SLIT2: variants seen among roughly 807,000 people sequenced by gnomAD.
SLIT2 encodes the protein slit guidance ligand 2.
Under a neutral mutation model 185.7 loss-of-function variants are expected in SLIT2, and 41 were observed. The observed-to-expected ratio is 0.22, with a 90% CI of 0.17 to 0.29. SLIT2 has a LOEUF of 0.29. Ranked by LOEUF, SLIT2 falls within the 10% of genes least tolerant of loss-of-function variation. The pLI is 1.00. For missense variants in SLIT2, 1,571 were observed against 1,909.0 expected (o/e 0.82, Z 3.30); for synonymous variants, 693 against 680.2 (o/e 1.02, Z -0.29).
At chr4:20,513,386 T>A (rs1477221630) in intron 11 of SLIT2, among the ~76,000 whole-genome samples, 1 of 152,256 alleles carries the variant, frequency 6.6e-6, no homozygotes, top group African/African-American at 2.4e-5. Flanking sequence ...CACGTATCAT[T>A]TTCCTGGTCA....
intron 34 of SLIT2, among the ~76,000 whole-genome samples, chr4:20,610,953 A>T (rs779363306): frequency 2.0e-5 from 3 of 152,198 alleles, no homozygotes; most frequent in Non-Finnish European, 4.4e-5. Flanking sequence ...CCCGCAAAGG[A>T]GAGAGGTCCC....
intron 4 of SLIT2, among the ~76,000 whole-genome samples, chr4:20,382,678 T>C (rs1724620408): frequency 6.6e-6 from 1 of 152,048 alleles, no homozygotes; most frequent in South Asian, 2.1e-4. Context: ...TAGAAAAATA[T>C]AGCATACTAT....
chr4:20,618,674 C>T lies in SLIT2; in HGVS notation c.4349-94C>T, dbSNP rs560326578. On this transcript the variant is annotated intron_variant, in intron 36 of 36. Coordinates refer to ENST00000504154, the MANE Select transcript of SLIT2 (RefSeq NM_004787.4). ...TGTAAAGCAAGTTACAAAGGGGAAG[C>T]AAAGGCTTCTGAATTAAGTTGTGGA... The T allele has an allele frequency of 7.6e-6, 10 of 1,324,124 alleles. No homozygotes were observed. In the African/African-American group the frequency reaches 1.3e-4, roughly 17 times the overall value. 82.0% of individuals were successfully genotyped at this position (1,324,124 alleles called of 1,614,324 possible).
intron 4 of SLIT2, among the ~76,000 whole-genome samples, chr4:20,417,729 A>AG (rs1209809697): frequency 6.6e-6 from 1 of 151,620 alleles, no homozygotes; most frequent in East Asian, 2.0e-4. Flanking sequence ...TATGTTGGCC[A>AG]GGATGGTCTC....
intron 29 of SLIT2, among the ~76,000 whole-genome samples, chr4:20,578,916 C>G (rs1726290883): frequency 6.6e-6 from 1 of 152,052 alleles, no homozygotes; most frequent in Non-Finnish European, 1.5e-5. Flanking sequence ...AGGCTTCCAC[C>G]TTTTTGATAA....
At chr4:20,278,105 C>A (rs549034366) in intron 4 of SLIT2, among the ~76,000 whole-genome samples, 37 of 151,956 alleles carry the variant, frequency 2.4e-4, no homozygotes, top group African/African-American at 8.0e-4. Flanking sequence ...AAAAATTTAC[C>A]AGTTTACATG....
chr4:20,567,359 C>T lies in SLIT2; in HGVS notation c.2823C>T (p.Tyr941=), dbSNP rs1725176771. 1 of 1,613,110 alleles carries T rather than the reference C, an allele frequency of 6.2e-7. No individual in the cohort carries two copies. Among genetic ancestry groups the T allele is most frequent in the Non-Finnish European group, 8.5e-7 (1 of 1,179,372 alleles). The change falls in exon 27 of 37, where the codon TAC becomes TAT. Residue 941 remains tyrosine, a synonymous_variant. Transcript: ENST00000504154. ...GTCNSDPVDF[Y]RCTCPYGFKG... ...GTAATAGTGATCCAGTTGACTTTTA[C>T]CGATGCACCTGTCCATATGGTTTCA...
intron 4 of SLIT2, among the ~76,000 whole-genome samples, chr4:20,299,251 A>G (rs1221210217): frequency 6.6e-6 from 1 of 152,178 alleles, no homozygotes; most frequent in Non-Finnish European, 1.5e-5. Flanking sequence ...AAAGCACTGT[A>G]TTGCTTTATC....
intron 4 of SLIT2, among the ~76,000 whole-genome samples, chr4:20,274,110 G>A (rs115408775): frequency 8.1e-4 from 123 of 152,266 alleles, no homozygotes; most frequent in African/African-American, 2.7e-3. Context: ...TTCTAATTTG[G>A]TGTAAGGAAA....
chr4:20,365,642 C>T (rs747292898), intron 4 of SLIT2, among the ~76,000 whole-genome samples: 2 of 152,132 alleles, frequency 1.3e-5, no homozygotes, highest in Non-Finnish European at 2.9e-5. Flanking sequence ...CCAGTCATGG[C>T]TGCCCCTACC....
chr4:20,282,001 C>T (rs1441446833), intron 4 of SLIT2, among the ~76,000 whole-genome samples: 1 of 152,148 alleles, frequency 6.6e-6, no homozygotes, highest in Non-Finnish European at 1.5e-5. Flanking sequence ...ACTGTTGTTA[C>T]CAACATTATA....
At chr4:20,550,957 G>A in intron 25 of SLIT2, 59 bp downstream of exon 25, 1 of 900,028 alleles carries the variant, frequency 1.1e-6, no homozygotes. Context: ...TGAGTGACTT[G>A]GAACATTCCT....
At chr4:20,300,414 A>G (rs1716927929) in intron 4 of SLIT2, among the ~76,000 whole-genome samples, 1 of 152,174 alleles carries the variant, frequency 6.6e-6, no homozygotes, top group African/African-American at 2.4e-5. Flanking sequence ...TTGACAAGGA[A>G]CATGGAATTA....
chr4:20,408,467 A>G (rs532547979), intron 4 of SLIT2, among the ~76,000 whole-genome samples: 2 of 152,074 alleles, frequency 1.3e-5, no homozygotes, highest in Admixed American at 1.3e-4. Flanking sequence ...CCTTGCCTCT[A>G]CTATGCCCAG....
At chr4:20,303,172 C>T (rs747588963) in intron 4 of SLIT2, among the ~76,000 whole-genome samples, 24 of 152,156 alleles carry the variant, frequency 1.6e-4, no homozygotes, top group Non-Finnish European at 3.1e-4. Flanking sequence ...TACAGGTTCA[C>T]TCTTTGGATT....
At chr4:20,570,748 T>TATATATATATGTATATATATATAC (rs1725532575) in intron 29 of SLIT2, among the ~76,000 whole-genome samples, 1 of 144,560 alleles carries the variant, frequency 6.9e-6, no homozygotes, top group Non-Finnish European at 1.5e-5. Context: ...TATATATATA[T>TATATATATATGTATATATATATAC]ATATATATAT....
intron 6 of SLIT2, among the ~76,000 whole-genome samples, chr4:20,482,895 A>G (rs1716846977): frequency 6.6e-6 from 1 of 151,916 alleles, no homozygotes; most frequent in African/African-American, 2.4e-5. Context: ...AAATAACTTA[A>G]GGCAAAATTG....
At chr4:20,453,761 T>C (rs1269004435) in intron 4 of SLIT2, among the ~76,000 whole-genome samples, 1 of 152,166 alleles carries the variant, frequency 6.6e-6, no homozygotes, top group East Asian at 1.9e-4. Flanking sequence ...GCTTGGCAAG[T>C]CTAGCATCTG....
chr4:20,255,167 C>T (rs1394035691), intron 1 of SLIT2: 2 of 399,830 alleles, frequency 5.0e-6, no homozygotes, highest in African/African-American at 4.2e-5. Context: ...GGATTCGTCC[C>T]GCGGCCTCTT....
Sources: allele counts gnomAD v4.1 joint callset (sites outside exome capture counted in the v4.1 genomes callset), GRCh38; gene constraint gnomAD v4.1.1; transcripts MANE v1.5; gene names NCBI Gene and HGNC (gene_info 2026-07-23, HGNC 2026-07-21).